TNNI3K: variants seen among roughly 807,000 people sequenced by gnomAD.
TNNI3K encodes TNNI3 interacting kinase.
In TNNI3K, 140 loss-of-function variants were observed where a neutral mutation model predicts 114.5. That is an observed-to-expected ratio of 1.22 (90% CI 1.07 to 1.41). The LOEUF is 1.41. Ranked by LOEUF, TNNI3K falls within the 40% of genes most tolerant of loss-of-function variation. The pLI is 0.00. For synonymous variants in TNNI3K, 347 were observed against 347.5 expected, an observed-to-expected ratio of 1.00 and a Z score of 0.02; for missense variants, 1,125 against 1,007.6, an observed-to-expected ratio of 1.12 and a Z score of -1.58.
At chr1:74,468,403 T>C (rs1667768007) in intron 21 of TNNI3K, 1 of 152,076 alleles carries the variant, frequency 6.6e-6, no homozygotes, top group African/African-American at 2.4e-5. Context: ...ACCTTAAAGG[T>C]GCTTTAAAAA....
At chr1:74,290,566 A>C (rs768172288) in intron 5 of TNNI3K, among the ~76,000 whole-genome samples, 17 of 151,830 alleles carry the variant, frequency 1.1e-4, no homozygotes, top group Non-Finnish European at 2.2e-4. Context: ...AAAACAGTGC[A>C]TGGATATGGT....
At chr1:74,429,030 T>A (rs1665769478) in intron 17 of TNNI3K, among the ~76,000 whole-genome samples, 1 of 152,086 alleles carries the variant, frequency 6.6e-6, no homozygotes, top group African/African-American at 2.4e-5. Context: ...TGTTATTATG[T>A]TTCTATCTGC....
intron 16 of TNNI3K, 92 bp downstream of exon 16, chr1:74,369,677 C>G: frequency 7.3e-7 from 1 of 1,379,210 alleles, no homozygotes; most frequent in Admixed American, 2.7e-5. Flanking sequence ...TGAGCCTTCA[C>G]CTTTTGAAAT....
chr1:74,379,154 A>G (rs538663391), intron 17 of TNNI3K, among the ~76,000 whole-genome samples: 10 of 152,170 alleles, frequency 6.6e-5, no homozygotes, highest in South Asian at 6.2e-4. Context: ...ACATATGTCT[A>G]TGAATCAAAA....
intron 4 of TNNI3K, among the ~76,000 whole-genome samples, chr1:74,269,032 A>T (rs149871371): frequency 6.6e-6 from 1 of 151,858 alleles, no homozygotes; most frequent in African/African-American, 2.4e-5. Flanking sequence ...TTCAAACACA[A>T]CAAGCTTATA....
intron 10 of TNNI3K, 86 bp from the exon 11 acceptor site, chr1:74,353,894 A>G: frequency 2.7e-6 from 4 of 1,481,250 alleles, no homozygotes; most frequent in Non-Finnish European, 3.6e-6. Context: ...AAATAATGCT[A>G]TTATGTGGTG....
At chr1:74,301,000 A>T (rs1658296919) in intron 5 of TNNI3K, among the ~76,000 whole-genome samples, 1 of 152,212 alleles carries the variant, frequency 6.6e-6, no homozygotes, top group African/African-American at 2.4e-5. Flanking sequence ...TAAATATGTC[A>T]ATAAAGTGTG....
intron 23 of TNNI3K, among the ~76,000 whole-genome samples, chr1:74,518,471 T>C (rs1361102231): frequency 6.6e-6 from 1 of 152,154 alleles, no homozygotes; most frequent in Non-Finnish European, 1.5e-5. Flanking sequence ...TGAGATGCTT[T>C]TCTTACCTCA....
At chr1:74,530,397 GT>G (rs1469658477) in intron 23 of TNNI3K, among the ~76,000 whole-genome samples, 2 of 152,244 alleles carry the variant, frequency 1.3e-5, no homozygotes, top group Admixed American at 6.5e-5. Flanking sequence ...CTGAGCCTTG[GT>G]TTCCTCATAT....
intron 17 of TNNI3K, among the ~76,000 whole-genome samples, chr1:74,382,665 T>C (rs1190455918): frequency 1.3e-5 from 2 of 152,174 alleles, no homozygotes; most frequent in African/African-American, 2.4e-5. Context: ...CCTGGATGGA[T>C]GGTCTTTGTA....
chr1:74,505,650 A>G (rs1421164580), intron 23 of TNNI3K, among the ~76,000 whole-genome samples: 1 of 152,122 alleles, frequency 6.6e-6, no homozygotes, highest in Non-Finnish European at 1.5e-5. Context: ...GCTTACTCGT[A>G]TTTGAAGCAG....
chr1:74,528,461 C>T (rs894731586), intron 23 of TNNI3K, among the ~76,000 whole-genome samples: 27 of 152,002 alleles, frequency 1.8e-4, no homozygotes, highest in African/African-American at 4.8e-4. Context: ...TTGGAGCCCC[C>T]GTGGGTAAAG....
intron 5 of TNNI3K, among the ~76,000 whole-genome samples, chr1:74,284,872 C>T (rs556513382): frequency 2.2e-4 from 33 of 152,204 alleles, no homozygotes; most frequent in African/African-American, 7.7e-4. Flanking sequence ...GAGTTTCTCA[C>T]AATTACTGCA....
intron 2 of TNNI3K, among the ~76,000 whole-genome samples, chr1:74,247,056 T>G (rs1403541274): frequency 6.6e-6 from 1 of 152,200 alleles, no homozygotes; most frequent in Non-Finnish European, 1.5e-5. Flanking sequence ...TCCTGTTGTG[T>G]CCGGAATTGG....
chr1:74,236,261 C>G, intron 2 of TNNI3K, 51 bp downstream of exon 2: 1 of 1,502,066 alleles, frequency 6.7e-7, no homozygotes, highest in Non-Finnish European at 9.1e-7. Flanking sequence ...TCAGTATTCA[C>G]CTTATTTTTT....
intron 17 of TNNI3K, chr1:74,378,599 TA>T (rs1663030304): frequency 6.4e-5 from 3 of 46,606 alleles, no homozygotes; most frequent in African/African-American, 2.4e-4. Context: ...TAATTTTATA[TA>T]TATATATATA....
intron 17 of TNNI3K, among the ~76,000 whole-genome samples, chr1:74,417,111 A>G (rs1254836702): frequency 6.6e-6 from 1 of 152,012 alleles, no homozygotes; most frequent in Non-Finnish European, 1.5e-5. Context: ...GAAATTTCAG[A>G]GAAAAGATGA....
At chr1:74,485,523 T>C (rs1320127932) in intron 21 of TNNI3K, among the ~76,000 whole-genome samples, 3 of 152,174 alleles carry the variant, frequency 2.0e-5, no homozygotes, top group Admixed American at 6.5e-5. Context: ...GCAAGATTCC[T>C]GTCCCCTGGT....
intron 17 of TNNI3K, among the ~76,000 whole-genome samples, chr1:74,414,916 TA>T (rs1402901722): frequency 6.6e-6 from 1 of 152,108 alleles, no homozygotes; most frequent in East Asian, 1.9e-4. Context: ...CAAAAGTCAT[TA>T]AAAAAATAAA....
Sources: allele counts gnomAD v4.1 joint callset (sites outside exome capture counted in the v4.1 genomes callset), GRCh38; gene constraint gnomAD v4.1.1; transcripts MANE v1.5; gene names NCBI Gene and HGNC (gene_info 2026-07-23, HGNC 2026-07-21).